The following ARFIP1 variants were observed in gnomAD, a reference collection of about 807,000 sequenced individuals.
ARFIP1 encodes the protein arfaptin-1.
A neutral mutation model predicts 42.5 loss-of-function variants in ARFIP1; 24 were observed. That is an observed-to-expected ratio of 0.57 (90% CI 0.41 to 0.80). The LOEUF (loss-of-function observed/expected upper bound fraction) is 0.80, where lower values mean the gene tolerates loss of function less well. ARFIP1 is among the 30% of genes least tolerant of loss of function. The pLI is 0.00. For synonymous variants in ARFIP1, 141 were observed against 153.7 expected, an observed-to-expected ratio of 0.92 and a Z score of 0.61; for missense variants, 354 against 434.0, an observed-to-expected ratio of 0.82 and a Z score of 1.64.
chr4:152,839,034 A>G (rs1731866774), intron 2 of ARFIP1, among the ~76,000 whole-genome samples: 1 of 152,244 alleles, frequency 6.6e-6, no homozygotes, highest in Non-Finnish European at 1.5e-5. Context: ...ATCTATTGAG[A>G]TGATTGTTTA....
intron 1 of ARFIP1, among the ~76,000 whole-genome samples, chr4:152,782,438 C>T (rs1730563017): frequency 6.6e-6 from 1 of 152,146 alleles, no homozygotes. Context: ...GAGGTTTCTT[C>T]TTAGGGATAG....
At chr4:152,886,422 T>C (rs1169214417) in intron 7 of ARFIP1, among the ~76,000 whole-genome samples, 1 of 152,004 alleles carries the variant, frequency 6.6e-6, no homozygotes, top group African/African-American at 2.4e-5. Flanking sequence ...ATGTTCCAGC[T>C]TCAGATTCTG....
At chr4:152,900,793 T>G (rs1172425696) in intron 8 of ARFIP1, among the ~76,000 whole-genome samples, 2 of 152,262 alleles carry the variant, frequency 1.3e-5, no homozygotes, top group East Asian at 3.8e-4. Flanking sequence ...ATACCTTACA[T>G]GTTAGCGGTT....
At chr4:152,863,846 T>C in intron 3 of ARFIP1, 132 bp downstream of exon 3, 1 of 546,894 alleles carries the variant, frequency 1.8e-6, no homozygotes, top group Non-Finnish European at 3.2e-6. Flanking sequence ...ATAAATGTAT[T>C]CCTTTTTCTC....
At chr4:152,884,339 A>G (rs1736099433) in intron 7 of ARFIP1, among the ~76,000 whole-genome samples, 2 of 151,974 alleles carry the variant, frequency 1.3e-5, no homozygotes, top group Non-Finnish European at 2.9e-5. Flanking sequence ...CAAAGGGTTC[A>G]TTATGTATAT....
At chr4:152,892,846 T>G (rs1426607372) in intron 8 of ARFIP1, among the ~76,000 whole-genome samples, 8 of 152,240 alleles carry the variant, frequency 5.3e-5, no homozygotes, top group Non-Finnish European at 1.2e-4. Flanking sequence ...TATTCTCTTC[T>G]TTGTTTACTA....
intron 4 of ARFIP1, 127 bp downstream of exon 4, chr4:152,870,975 C>T (rs1684219368): frequency 4.8e-6 from 3 of 618,558 alleles, no homozygotes; most frequent in Non-Finnish European, 7.9e-6. Context: ...TGGTGGCTGC[C>T]TTATTAACAA....
At chr4:152,827,591 C>T (rs74823305) in intron 1 of ARFIP1, among the ~76,000 whole-genome samples, 2,498 of 152,262 alleles carry the variant, frequency 0.016, 69 homozygotes, top group African/African-American at 0.056. Flanking sequence ...TTCTAGCACC[C>T]TCTTGTCTTT....
intron 1 of ARFIP1, among the ~76,000 whole-genome samples, chr4:152,790,685 T>C (rs1487440650): frequency 6.6e-6 from 1 of 151,908 alleles, no homozygotes; most frequent in African/African-American, 2.4e-5. Flanking sequence ...AACTATTTTG[T>C]CAGGGCTTTC....
intron 3 of ARFIP1, among the ~76,000 whole-genome samples, chr4:152,866,158 A>G (rs1734316025): frequency 6.6e-6 from 1 of 152,146 alleles, no homozygotes; most frequent in South Asian, 2.1e-4. Flanking sequence ...TGGACACAGC[A>G]CATGTTTCAG....
chr4:152,789,995 A>G (rs189776399), intron 1 of ARFIP1, among the ~76,000 whole-genome samples: 2 of 152,298 alleles, frequency 1.3e-5, no homozygotes, highest in East Asian at 3.9e-4. Flanking sequence ...TCTGGGCACT[A>G]TGTTTGCTCA....
At chr4:152,813,497 T>C (rs1317989077) in intron 1 of ARFIP1, among the ~76,000 whole-genome samples, 1 of 152,238 alleles carries the variant, frequency 6.6e-6, no homozygotes, top group Non-Finnish European at 1.5e-5. Flanking sequence ...ATATTTTTAA[T>C]GTTGATTATT....
In ARFIP1 at chr4:152,800,005, A is replaced by G. The variant is rs554219806; in HGVS notation, c.-10+19779A>G. ...TGTCTGGAAATTAACATTGAAATCC[A>G]TGTTATGCATTCCTTGTGTTTTTAG... On this transcript the variant is annotated intron_variant, in intron 1 of 8. Coordinates refer to ENST00000353617, the MANE Select transcript of ARFIP1 (RefSeq NM_001025595.3). Among the ~76,000 whole-genome samples the G allele has an allele frequency of 3.3e-5, 5 of 152,308 alleles. No individual in the cohort carries two copies. In the South Asian group the frequency reaches 6.2e-4, roughly 19 times the overall value.
intron 1 of ARFIP1, among the ~76,000 whole-genome samples, chr4:152,804,199 C>G (rs189172579): frequency 0.47 from 15,933 of 34,198 alleles, 3,176 homozygotes; most frequent in East Asian, 0.6. Context: ...TATAATATAA[C>G]ATGTATTATA....
chr4:152,830,382 AATGAGATAAT>A (rs1731169001), intron 2 of ARFIP1, among the ~76,000 whole-genome samples: 3 of 152,180 alleles, frequency 2.0e-5, no homozygotes, highest in African/African-American at 7.2e-5. Context: ...ATTAATATTA[AATGAGATAAT>A]ATGTCTAATA....
At chr4:152,830,500 C>CA (rs1356028855) in intron 2 of ARFIP1, among the ~76,000 whole-genome samples, 2 of 152,042 alleles carry the variant, frequency 1.3e-5, no homozygotes, top group African/African-American at 2.4e-5. Flanking sequence ...ACTTTAAAAA[C>CA]AGAGTTTTCG....
chr4:152,783,535 A>C (rs1392437753), intron 1 of ARFIP1, among the ~76,000 whole-genome samples: 1 of 152,180 alleles, frequency 6.6e-6, no homozygotes, highest in Non-Finnish European at 1.5e-5. Flanking sequence ...TGATTAACTG[A>C]AGCTAAAGTA....
chr4:152,812,231 G>C (rs896677053), intron 1 of ARFIP1, among the ~76,000 whole-genome samples: 2 of 152,112 alleles, frequency 1.3e-5, no homozygotes, highest in African/African-American at 4.8e-5. Context: ...TTCTTGCTGC[G>C]TCAGCCAGGC....
chr4:152,791,465 A>G (rs1731142029), intron 1 of ARFIP1, among the ~76,000 whole-genome samples: 1 of 152,206 alleles, frequency 6.6e-6, no homozygotes. Context: ...GAAAATTAAT[A>G]TTCAGTTACG....
Sources: allele counts gnomAD v4.1 joint callset (sites outside exome capture counted in the v4.1 genomes callset), GRCh38; gene constraint gnomAD v4.1.1; transcripts MANE v1.5; gene names NCBI Gene and HGNC (gene_info 2026-07-23, HGNC 2026-07-21).